The following SMYD3 variants were observed in gnomAD, a reference collection of about 807,000 sequenced individuals.
SMYD3 encodes SET and MYND domain containing 3.
SMYD3 carries 36 observed loss-of-function variants against 57.7 expected under a neutral mutation model. The ratio of observed to expected loss-of-function variants is 0.62; its 90% CI spans 0.48 to 0.82. SMYD3 has a LOEUF of 0.82. Ranked by LOEUF, SMYD3 falls within the 40% of genes least tolerant of loss-of-function variation. The pLI is 0.00. For missense variants in SMYD3, 515 were observed against 538.8 expected (o/e 0.96, Z 0.44); for synonymous variants, 211 against 195.0 (o/e 1.08, Z -0.68).
chr1:246,144,199 C>G (rs1047125336), intron 5 of SMYD3, among the ~76,000 whole-genome samples: 1 of 152,222 alleles, frequency 6.6e-6, no homozygotes, highest in East Asian at 1.9e-4. Flanking sequence ...CGCCATGTCC[C>G]TGGCACTCTT....
intron 5 of SMYD3, among the ~76,000 whole-genome samples, chr1:245,997,832 G>A (rs1423718649): frequency 1.3e-5 from 2 of 152,210 alleles, no homozygotes; most frequent in African/African-American, 4.8e-5. Flanking sequence ...CAGAACTGCT[G>A]GGAGAAAGAT....
intron 5 of SMYD3, among the ~76,000 whole-genome samples, chr1:246,021,253 A>G (rs766897848): frequency 1.3e-5 from 2 of 152,226 alleles, no homozygotes; most frequent in Non-Finnish European, 2.9e-5. Flanking sequence ...AGTTCAAGGA[A>G]GACAGAGGAG....
chr1:246,002,570 G>T (rs111386087), intron 5 of SMYD3, among the ~76,000 whole-genome samples: 1 of 118,668 alleles, frequency 8.4e-6, no homozygotes, highest in African/African-American at 2.9e-5. Flanking sequence ...CGACCGCCTC[G>T]GCCTCCCAAA....
intron 10 of SMYD3, among the ~76,000 whole-genome samples, chr1:245,777,571 G>T (rs1056330038): frequency 1.3e-5 from 2 of 152,158 alleles, no homozygotes; most frequent in East Asian, 1.9e-4. Flanking sequence ...ATGTACACAA[G>T]GGAGACCCAA....
intron 5 of SMYD3, among the ~76,000 whole-genome samples, chr1:246,169,381 C>CAAAAA (rs55719556): frequency 0.03 from 1,834 of 61,688 alleles, 117 homozygotes; most frequent in African/African-American, 0.064. Flanking sequence ...GACTTTCTTT[C>CAAAAA]AAAAAAAAAA....
In SMYD3 at chr1:246,292,290, G is replaced by C. The variant is rs183515530; in HGVS notation, c.531+34911C>G. ...TACTATCCAACACACCAGTACCTTA[G>C]ACTTACTATCCAACACACCAGCATC... is the stretch of plus-strand genomic sequence containing the variant. On this transcript the variant is annotated intron_variant, in intron 5 of 11. Coordinates refer to ENST00000490107, the MANE Select transcript of SMYD3 (RefSeq NM_001167740.2). 2.4e-3 allele frequency among the ~76,000 whole-genome samples: 361 copies of C among 151,676 alleles called. 3 individuals are homozygous for C. Among genetic ancestry groups the C allele is most frequent in the Non-Finnish European group, 3.8e-3 (258 of 67,884 alleles).
intron 5 of SMYD3, among the ~76,000 whole-genome samples, chr1:246,290,064 T>A (rs1483248575): frequency 6.6e-6 from 1 of 152,114 alleles, no homozygotes; most frequent in Non-Finnish European, 1.5e-5. Flanking sequence ...CTTAAAGGAA[T>A]CTTCAAATGA....
At chr1:245,999,304 G>A (rs1479072980) in intron 5 of SMYD3, among the ~76,000 whole-genome samples, 1 of 152,162 alleles carries the variant, frequency 6.6e-6, no homozygotes, top group East Asian at 1.9e-4. Flanking sequence ...TAGCAATGCT[G>A]CCATATTAAC....
chr1:246,439,013 C>A (rs1034078007), intron 1 of SMYD3, among the ~76,000 whole-genome samples: 2 of 149,252 alleles, frequency 1.3e-5, no homozygotes, highest in South Asian at 2.1e-4. Context: ...GTCCTCGGCC[C>A]GGGCTCTGGG....
intron 5 of SMYD3, among the ~76,000 whole-genome samples, chr1:246,049,236 T>C (rs928347190): frequency 1.3e-5 from 2 of 152,118 alleles, no homozygotes; most frequent in African/African-American, 4.8e-5. Context: ...AGGGGAAGAC[T>C]TATCAAAGCC....
At chr1:246,256,832 C>T (rs2063903588) in intron 5 of SMYD3, among the ~76,000 whole-genome samples, 1 of 152,162 alleles carries the variant, frequency 6.6e-6, no homozygotes, top group Non-Finnish European at 1.5e-5. Context: ...CTTAACACTA[C>T]TTTTGCTGCA....
chr1:246,337,340 T>C (rs2065558448), intron 2 of SMYD3, among the ~76,000 whole-genome samples: 1 of 152,220 alleles, frequency 6.6e-6, no homozygotes, highest in Non-Finnish European at 1.5e-5. Context: ...CCCATGCTTG[T>C]TATTGTCACC....
At chr1:246,068,564 A>G (rs1259445230) in intron 5 of SMYD3, among the ~76,000 whole-genome samples, 1 of 152,208 alleles carries the variant, frequency 6.6e-6, no homozygotes, top group Non-Finnish European at 1.5e-5. Context: ...ACAAGAACAT[A>G]GAGACGGAGC....
chr1:246,061,486 T>C (rs2060250956), intron 5 of SMYD3, among the ~76,000 whole-genome samples: 1 of 151,486 alleles, frequency 6.6e-6, no homozygotes, highest in African/African-American at 2.4e-5. Flanking sequence ...TTTGGGAGGC[T>C]GAGGTGGGAG....
chr1:245,919,164 T>A (rs774170108), intron 7 of SMYD3, among the ~76,000 whole-genome samples: 5 of 152,172 alleles, frequency 3.3e-5, no homozygotes, highest in Admixed American at 2.0e-4. Flanking sequence ...TCTAAACTGC[T>A]TTGAGAGAGA....
At chr1:246,225,500 C>T (rs1216488142) in intron 5 of SMYD3, among the ~76,000 whole-genome samples, 1 of 152,040 alleles carries the variant, frequency 6.6e-6, no homozygotes. Context: ...AAGGAAGAGA[C>T]AATAACTACA....
At chr1:245,783,465 C>T (rs889683385) in intron 10 of SMYD3, among the ~76,000 whole-genome samples, 1 of 152,038 alleles carries the variant, frequency 6.6e-6, no homozygotes. Context: ...ATGCTGAATG[C>T]TTTCACACTA....
intron 5 of SMYD3, among the ~76,000 whole-genome samples, chr1:246,068,002 A>C (rs1279307900): frequency 2.0e-5 from 3 of 152,194 alleles, no homozygotes; most frequent in Non-Finnish European, 4.4e-5. Context: ...TGGAGGGCCC[A>C]TGAGAATGAA....
At chr1:246,157,590 T>A (rs527751847) in intron 5 of SMYD3, among the ~76,000 whole-genome samples, 1 of 152,304 alleles carries the variant, frequency 6.6e-6, no homozygotes, top group Admixed American at 6.5e-5. Context: ...TCAGGTCACC[T>A]GGATAGCCTG....
Sources: gnomAD v4.1 joint callset for allele counts (sites outside exome capture counted in the v4.1 genomes callset) on GRCh38, gnomAD v4.1.1 for gene constraint, MANE v1.5 for transcripts, NCBI Gene and HGNC (gene_info 2026-07-23, HGNC 2026-07-21) for gene names.